BMP5: variants seen among roughly 807,000 people sequenced by gnomAD.
BMP5 encodes the protein bone morphogenetic protein 5.
In BMP5, 23 loss-of-function variants were observed where a neutral mutation model predicts 46.6. The observed-to-expected ratio is 0.49, with a 90% CI of 0.35 to 0.70. The LOEUF (loss-of-function observed/expected upper bound fraction) is 0.70. Among genes scored for constraint, BMP5 ranks in the 30% least tolerant of loss-of-function variants. The pLI is 0.00. For synonymous variants in BMP5, 204 were observed against 191.9 expected, an observed-to-expected ratio of 1.06 and a Z score of -0.52; for missense variants, 545 against 565.6, an observed-to-expected ratio of 0.96 and a Z score of 0.37.
intron 1 of BMP5, among the ~76,000 whole-genome samples, chr6:55,834,719 A>T (rs1776748336): frequency 6.6e-6 from 1 of 152,196 alleles, no homozygotes. Context: ...AAAAATAAAT[A>T]AAATAACATG....
At chr6:55,862,517 T>G (rs1777546450) in intron 1 of BMP5, among the ~76,000 whole-genome samples, 1 of 152,144 alleles carries the variant, frequency 6.6e-6, no homozygotes, top group Admixed American at 6.6e-5. Flanking sequence ...AAAATATGGG[T>G]GAAAATCTTT....
chr6:55,778,109 T>G (rs756420143), intron 3 of BMP5, among the ~76,000 whole-genome samples: 2 of 152,030 alleles, frequency 1.3e-5, no homozygotes, highest in African/African-American at 4.8e-5. Flanking sequence ...TCAATAACTA[T>G]ACCAAAGCAA....
intron 1 of BMP5, among the ~76,000 whole-genome samples, chr6:55,855,025 CT>C (rs1438363066): frequency 1.3e-5 from 2 of 151,968 alleles, no homozygotes; most frequent in East Asian, 1.9e-4. Flanking sequence ...TCTCTCCCCC[CT>C]AAAATGACAA....
At chr6:55,825,096 T>C (rs1378878646) in intron 1 of BMP5, among the ~76,000 whole-genome samples, 2 of 151,776 alleles carry the variant, frequency 1.3e-5, no homozygotes, top group African/African-American at 2.4e-5. Flanking sequence ...CAGCGCTCTC[T>C]AAAAAAATTA....
intron 3 of BMP5, among the ~76,000 whole-genome samples, chr6:55,781,465 T>A (rs185928793): frequency 9.7e-4 from 148 of 152,238 alleles, no homozygotes; most frequent in Non-Finnish European, 1.8e-3. Context: ...CAAACACATT[T>A]TAGTTTGTTT....
intron 1 of BMP5, among the ~76,000 whole-genome samples, chr6:55,820,728 G>A (rs1173405788): frequency 1.4e-5 from 2 of 138,244 alleles, no homozygotes; most frequent in East Asian, 3.9e-4. Context: ...TTGTTTGTTT[G>A]TTTGTTTGTT....
rs1253052450 is a variant in BMP5, at chr6:55,818,325, T to C, written c.683+1330A>G. The stretch of plus-strand genomic sequence containing the variant: ...ACAAACATAAGTGATCTGATTATTA[T>C]ATCAGACGCATATAAAAAGTTTCTA... On this transcript the variant is annotated intron_variant, in intron 2 of 6. Coordinates refer to ENST00000370830, the MANE Select transcript of BMP5 (RefSeq NM_021073.4). Among the ~76,000 whole-genome samples the C allele has an allele frequency of 9.2e-5, 14 of 152,228 alleles. 1 individual carries two copies. The South Asian group carries it at 2.7e-3, about 29-fold the overall frequency.
chr6:55,866,670 A>G (rs1043605910), intron 1 of BMP5, among the ~76,000 whole-genome samples: 3 of 152,200 alleles, frequency 2.0e-5, no homozygotes, highest in African/African-American at 7.2e-5. Flanking sequence ...CGCAGTTCAT[A>G]TTGTGATCTG....
chr6:55,840,776 C>G (rs1187429397), intron 1 of BMP5, among the ~76,000 whole-genome samples: 2 of 151,990 alleles, frequency 1.3e-5, no homozygotes, highest in African/African-American at 4.8e-5. Flanking sequence ...TGTCTTTTTT[C>G]CTTTGGCTGC....
chr6:55,812,129 A>G (rs1384350631), intron 2 of BMP5, among the ~76,000 whole-genome samples: 1 of 152,246 alleles, frequency 6.6e-6, no homozygotes, highest in Non-Finnish European at 1.5e-5. Flanking sequence ...GTGTGACTAT[A>G]GAGCAATGCC....
chr6:55,783,160 T>C (rs868493598), intron 3 of BMP5, among the ~76,000 whole-genome samples: 27 of 152,238 alleles, frequency 1.8e-4, no homozygotes, highest in Admixed American at 7.9e-4. Context: ...ATACTTCTTA[T>C]TAGCCATAAG....
At chr6:55,808,496 G>T (rs1776045536) in intron 2 of BMP5, among the ~76,000 whole-genome samples, 2 of 152,164 alleles carry the variant, frequency 1.3e-5, no homozygotes, top group Admixed American at 1.3e-4. Context: ...CTGTGGTTCT[G>T]GTCACTCCTC....
chr6:55,764,582 A>AG (rs1774875242), intron 4 of BMP5, among the ~76,000 whole-genome samples: 2 of 126,704 alleles, frequency 1.6e-5, no homozygotes, highest in Non-Finnish European at 3.4e-5. Flanking sequence ...AAAAAAAAAA[A>AG]AAAAAGAAAA....
rs1475443538 is a variant in BMP5 at position 55,839,457 on chromosome 6, CA to C, written c.491-19611del. On this transcript the variant is annotated intron_variant, in intron 1 of 6. Transcript: ENST00000370830. ...TCAGCCTCCCAAGTAGGGAGGACTACAGGCATTCACAACCACCAGGCTAATT... is the reference window on the plus strand; with the variant it reads ...TCAGCCTCCCAAGTAGGGAGGACTACGGCATTCACAACCACCAGGCTAATT... Among the ~76,000 whole-genome samples, 5 of 152,192 alleles carry C rather than the reference CA, an allele frequency of 3.3e-5. No individual in the cohort carries two copies. In the East Asian group the frequency reaches 9.7e-4, roughly 29 times the overall value.
chr6:55,810,001 A>G (rs1490083272), intron 2 of BMP5, among the ~76,000 whole-genome samples: 2 of 152,124 alleles, frequency 1.3e-5, no homozygotes, highest in African/African-American at 2.4e-5. Context: ...GAAAGCATAC[A>G]TCTCTCTCTG....
intron 1 of BMP5, among the ~76,000 whole-genome samples, chr6:55,866,132 T>C (rs962950708): frequency 3.9e-5 from 6 of 152,150 alleles, no homozygotes; most frequent in African/African-American, 1.4e-4. Flanking sequence ...AGTTGCACCC[T>C]CTCTTCCTCT....
intron 4 of BMP5, among the ~76,000 whole-genome samples, chr6:55,763,985 C>T (rs1774851474): frequency 6.6e-6 from 1 of 151,892 alleles, no homozygotes; most frequent in South Asian, 2.1e-4. Flanking sequence ...CACAAAAATT[C>T]CTGAATATGA....
intron 1 of BMP5, among the ~76,000 whole-genome samples, chr6:55,868,959 T>A (rs1777714964): frequency 6.6e-6 from 1 of 152,198 alleles, no homozygotes; most frequent in Non-Finnish European, 1.5e-5. Flanking sequence ...AAATATGAAC[T>A]TAAGGTGCAA....
At chr6:55,760,349 CA>C in intron 5 of BMP5, 107 bp downstream of exon 5, 1 of 976,132 alleles carries the variant, frequency 1.0e-6, no homozygotes, top group South Asian at 1.4e-5. Flanking sequence ...ATGGTCATGT[CA>C]AAAATCATTG....
Sources: gnomAD v4.1 joint callset for allele counts (sites outside exome capture counted in the v4.1 genomes callset) on GRCh38, gnomAD v4.1.1 for gene constraint, MANE v1.5 for transcripts, NCBI Gene and HGNC (gene_info 2026-07-23, HGNC 2026-07-21) for gene names.